The following PTGER3 variants were observed in gnomAD, a reference collection of about 807,000 sequenced individuals.
PTGER3 encodes prostaglandin E2 receptor EP3 subtype.
In PTGER3, 22 loss-of-function variants were observed where a neutral mutation model predicts 34.7. That is an observed-to-expected ratio of 0.63 (90% CI 0.45 to 0.91). PTGER3 has a LOEUF of 0.91. Among genes scored for constraint, PTGER3 ranks in the 40% least tolerant of loss-of-function variants. The pLI, the probability that PTGER3 is intolerant of heterozygous loss-of-function variation, is 0.00. For synonymous variants in PTGER3, 241 were observed against 230.1 expected (o/e 1.05, Z -0.43); for missense variants, 468 against 519.4 (o/e 0.90, Z 0.96).
intron 4 of PTGER3, among the ~76,000 whole-genome samples, chr1:70,912,353 C>T (rs747322145): frequency 1.3e-5 from 2 of 151,874 alleles, no homozygotes; most frequent in Non-Finnish European, 2.9e-5. Flanking sequence ...ATCAACAGCT[C>T]ATTTATTGAA....
At chr1:70,940,784 GT>G (rs1257342237) in intron 4 of PTGER3, among the ~76,000 whole-genome samples, 1 of 152,142 alleles carries the variant, frequency 6.6e-6, no homozygotes, top group East Asian at 1.9e-4. Context: ...TGATATTTGA[GT>G]GGGGACACAG....
chr1:70,955,070 A>G (rs879287361), intron 2 of PTGER3, among the ~76,000 whole-genome samples: 3 of 152,142 alleles, frequency 2.0e-5, no homozygotes, highest in Non-Finnish European at 4.4e-5. Flanking sequence ...TCTAACATCA[A>G]TCTATTTGCA....
rs1645715492 is a variant in PTGER3 at position 70,852,976 on chromosome 1, A to G, written c.*24-117T>C. 5 of 1,170,044 alleles carry G rather than the reference A, an allele frequency of 4.3e-6. No homozygotes were observed. In the Admixed American group the frequency reaches 7.1e-5, roughly 17 times the overall value. 72.5% of individuals were successfully genotyped at this position (1,170,044 alleles called of 1,614,324 possible). A position where few individuals can be genotyped will look rare whatever the true frequency, so the allele number is the denominator to read the frequency against. On this transcript the variant is annotated intron_variant, in intron 4 of 4. Transcript: ENST00000370931. The stretch of plus-strand genomic sequence containing the variant: ...TTCAGATTATGAACAGGAATGGTAA[A>G]TCACTTACAGCAGTATAACAAGAAC...
rs763272005 is a variant in PTGER3, at chr1:70,996,639, T to TTTTATTTATTTATTTATTTATTTA, written c.1077+15642_1077+15665dup. Among the ~76,000 whole-genome samples, 298 of 122,734 alleles carry TTTTATTTATTTATTTATTTATTTA rather than the reference T, an allele frequency of 2.4e-3. 4 individuals are homozygous for TTTTATTTATTTATTTATTTATTTA. Among genetic ancestry groups the TTTTATTTATTTATTTATTTATTTA allele is most frequent in the Admixed American group, 3.8e-3 (44 of 11,470 alleles). The allele number at this position is 122,734 out of a possible 152,430, so 80.5% of individuals were successfully genotyped here. ...CCATGCCCGGCTAATTTTTTTGTAT[T>TTTTATTTATTTATTTATTTATTTA]TTTATTTATTTATTTATTTATTTAT... On this transcript the variant is annotated intron_variant, in intron 2 of 3. Transcript: ENST00000306666.
chr1:71,034,146 T>C (rs1659628844), intron 1 of PTGER3, among the ~76,000 whole-genome samples: 1 of 151,264 alleles, frequency 6.6e-6, no homozygotes, highest in African/African-American at 2.4e-5. Flanking sequence ...TTATTTTATT[T>C]TGAGTGAGAA....
intron 2 of PTGER3, chr1:71,007,169 C>A (rs969044650): frequency 6.1e-6 from 6 of 985,682 alleles, no homozygotes; most frequent in Non-Finnish European, 7.2e-6. Flanking sequence ...GCTTTTGATA[C>A]TGATCTTTAC....
At chr1:70,956,150 G>A (rs992983550) in intron 2 of PTGER3, among the ~76,000 whole-genome samples, 1 of 152,114 alleles carries the variant, frequency 6.6e-6, no homozygotes, top group Non-Finnish European at 1.5e-5. Context: ...TGGATCATAC[G>A]AATGCAGTTC....
intron 4 of PTGER3, among the ~76,000 whole-genome samples, chr1:70,865,346 G>A (rs1646017695): frequency 6.6e-6 from 1 of 152,092 alleles, no homozygotes; most frequent in South Asian, 2.1e-4. Flanking sequence ...TAGTGAGGAA[G>A]GATAGGTTTA....
chr1:70,963,396 G>A (rs994827650), intron 2 of PTGER3, among the ~76,000 whole-genome samples: 5 of 152,120 alleles, frequency 3.3e-5, no homozygotes, highest in Admixed American at 2.0e-4. Context: ...TCTCCCCTCC[G>A]TACTGCCCTA....
chr1:70,965,269 A>T (rs1652395050), intron 2 of PTGER3, among the ~76,000 whole-genome samples: 1 of 151,968 alleles, frequency 6.6e-6, no homozygotes, highest in African/African-American at 2.4e-5. Flanking sequence ...AAGATGTTTA[A>T]AAAAGAAAAA....
At chr1:70,996,808 C>T (rs1034464872) in intron 2 of PTGER3, among the ~76,000 whole-genome samples, 5 of 152,046 alleles carry the variant, frequency 3.3e-5, no homozygotes, top group African/African-American at 1.2e-4. Context: ...GGACTACAGG[C>T]GCCCGCCACC....
intron 1 of PTGER3, among the ~76,000 whole-genome samples, chr1:71,037,096 C>A (rs1659905250): frequency 6.6e-6 from 1 of 152,144 alleles, no homozygotes; most frequent in African/African-American, 2.4e-5. Context: ...CAGTTGGGGC[C>A]AAGCGTGTTC....
At chr1:70,862,250 A>T in intron 4 of PTGER3, 1 of 956,838 alleles carries the variant, frequency 1.0e-6, no homozygotes, top group Admixed American at 3.2e-5. Context: ...TAAACATACT[A>T]AGTAAAAAAA....
chr1:71,026,561 T>C (rs1251994390), intron 1 of PTGER3, among the ~76,000 whole-genome samples: 1 of 152,072 alleles, frequency 6.6e-6, no homozygotes, highest in Non-Finnish European at 1.5e-5. Context: ...TGGAAAATTA[T>C]AATGTGTTCA....
intron 3 of PTGER3, among the ~76,000 whole-genome samples, chr1:70,972,094 G>A (rs550001618): frequency 1.3e-5 from 2 of 152,242 alleles, no homozygotes; most frequent in African/African-American, 2.4e-5. Context: ...TTGGGAGGCC[G>A]AGGCGAGTGG....
chr1:70,881,554 T>C lies in PTGER3; in HGVS notation c.*24-28695A>G, dbSNP rs192462628. ...TTTTTGTCTCATCAATGTGGGCTCATGTTTCTTCAGCCTTTGAAGTTGCAG... is the reference window on the plus strand; with the variant it reads ...TTTTTGTCTCATCAATGTGGGCTCACGTTTCTTCAGCCTTTGAAGTTGCAG... On this transcript the variant is annotated intron_variant, in intron 4 of 4. Transcript: ENST00000370931. Among the ~76,000 whole-genome samples the C allele has an allele frequency of 1.1e-3, 168 of 152,278 alleles. 1 individual carries two copies. The highest frequency in any genetic ancestry group is 3.6e-3 in the African/African-American group (148 of 41,556).
intron 4 of PTGER3, among the ~76,000 whole-genome samples, chr1:70,882,082 G>A (rs1169665145): frequency 6.6e-6 from 1 of 152,224 alleles, no homozygotes; most frequent in African/African-American, 2.4e-5. Flanking sequence ...AGTGGTAGGG[G>A]TTGGTAGGGT....
exon 5 of PTGER3, chr1:70,852,740 G>C: frequency 1.4e-6 from 2 of 1,411,858 alleles, no homozygotes; most frequent in African/African-American, 1.4e-5. Flanking sequence ...AAGTAAAAGA[G>C]AATAGTTTGG....
chr1:70,941,263 T>G (rs1649736377), intron 4 of PTGER3, among the ~76,000 whole-genome samples: 1 of 152,208 alleles, frequency 6.6e-6, no homozygotes, highest in East Asian at 1.9e-4. Flanking sequence ...AATTTTTGTG[T>G]TTTTTACCAT....
Sources: allele counts gnomAD v4.1 joint callset (sites outside exome capture counted in the v4.1 genomes callset), GRCh38; gene constraint gnomAD v4.1.1; transcripts MANE v1.5; gene names NCBI Gene and HGNC (gene_info 2026-07-23, HGNC 2026-07-21).